The following PRIM2 variants were observed in gnomAD, a reference collection of about 807,000 sequenced individuals.
The protein encoded by PRIM2 is DNA primase large subunit.
A neutral mutation model predicts 67.3 loss-of-function variants in PRIM2; 39 were observed. The observed-to-expected ratio is 0.58, with a 90% CI of 0.45 to 0.76. PRIM2 has a LOEUF of 0.76. Ranked by LOEUF, PRIM2 falls within the 30% of genes least tolerant of loss-of-function variation. PRIM2 has a pLI of 0.00. For synonymous variants in PRIM2, 143 were observed against 198.7 expected, an observed-to-expected ratio of 0.72 and a Z score of 2.36; for missense variants, 398 against 598.7, an observed-to-expected ratio of 0.66 and a Z score of 3.50.
chr6:57,580,861 A>G (rs1391616836), intron 10 of PRIM2, among the ~76,000 whole-genome samples: 1 of 152,178 alleles, frequency 6.6e-6, no homozygotes, highest in South Asian at 2.1e-4. Context: ...ATCAAGTTAG[A>G]TTTTTAAAAT....
At chr6:57,517,720 A>G (rs1348737042) in intron 8 of PRIM2, among the ~76,000 whole-genome samples, 1 of 152,198 alleles carries the variant, frequency 6.6e-6, no homozygotes, top group Non-Finnish European at 1.5e-5. Flanking sequence ...TGGAGCTGTT[A>G]TAAGCAATTG....
At chr6:57,307,741 C>T in the PRIM2 span, among the ~76,000 whole-genome samples, 1 of 152,164 alleles carries the variant, frequency 6.6e-6, no homozygotes, top group Admixed American at 6.5e-5. Flanking sequence ...GAAGCAATGA[C>T]AGGTTGAGGG....
upstream of PRIM2, among the ~76,000 whole-genome samples, chr6:57,312,438 G>C (rs976259878): frequency 6.6e-6 from 1 of 152,060 alleles, no homozygotes; most frequent in Admixed American, 6.6e-5. Flanking sequence ...GGAGGTGGAG[G>C]CTGCAGTGGG....
intron 5 of PRIM2, among the ~76,000 whole-genome samples, chr6:57,357,486 A>G (rs1240373293): frequency 6.6e-6 from 1 of 150,898 alleles, no homozygotes; most frequent in Non-Finnish European, 1.5e-5. Context: ...GACTTTGGAT[A>G]CTCTTCCCTA....
At chr6:57,627,308 A>AAAAAG (rs1776966603) in intron 12 of PRIM2, among the ~76,000 whole-genome samples, 4 of 143,130 alleles carry the variant, frequency 2.8e-5, no homozygotes, top group Admixed American at 7.1e-5. Flanking sequence ...AAAAAAAAAA[A>AAAAAG]GTTTAAAAAT....
At chr6:57,530,085 CT>C (rs1468726799) in intron 8 of PRIM2, among the ~76,000 whole-genome samples, 4 of 152,292 alleles carry the variant, frequency 2.6e-5, no homozygotes, top group Admixed American at 1.3e-4. Flanking sequence ...TTAATCCCAC[CT>C]CTCAATACTG....
rs1773556348 is a variant in PRIM2, at chr6:57,479,305, G to T, written c.694-28082G>T. Among the ~76,000 whole-genome samples the T allele has an allele frequency of 2.0e-5, 3 of 152,144 alleles. No individual in the cohort carries two copies. The South Asian group carries it at 6.2e-4, about 31-fold the overall frequency. On this transcript the variant is annotated intron_variant, in intron 7 of 13. Coordinates refer to ENST00000615550, the MANE Select transcript of PRIM2 (RefSeq NM_000947.5). ...GACTTTCTTATATAGTAATCCATTTGAAATTGGTTGATTGGCCATAATTAC... is the reference window on the plus strand; with the variant it reads ...GACTTTCTTATATAGTAATCCATTTTAAATTGGTTGATTGGCCATAATTAC...
chr6:57,418,400 T>G lies in PRIM2; in HGVS notation c.693+36232T>G, dbSNP rs796493790. On this transcript the variant is annotated intron_variant, in intron 7 of 13. Coordinates refer to ENST00000615550, the MANE Select transcript of PRIM2 (RefSeq NM_000947.5). Reference sequence around the variant, plus strand: ...TGTGTGTGGTTTTTTTTTTTTTTTTTTTTTTTTTTTTTTTTTTAACAGATT... The same window carrying G: ...TGTGTGTGGTTTTTTTTTTTTTTTTGTTTTTTTTTTTTTTTTTAACAGATT... Among the ~76,000 whole-genome samples the G allele has an allele frequency of 7.8e-4, 99 of 126,690 alleles. 5 individuals are homozygous for G. The East Asian group carries it at 0.022, about 29-fold the overall frequency. The allele number at this position is 126,690 out of a possible 152,430, so 83.1% of individuals were successfully genotyped here. A position where few individuals can be genotyped will look rare whatever the true frequency, so the allele number is the denominator to read the frequency against.
intron 7 of PRIM2, among the ~76,000 whole-genome samples, chr6:57,403,840 T>C (rs1281088754): frequency 2.0e-5 from 3 of 151,874 alleles, no homozygotes; most frequent in African/African-American, 7.3e-5. Flanking sequence ...GGCTTATAGA[T>C]ATTGTCTTAG....
chr6:57,374,303 A>ATTTATTT (rs1554331462), intron 5 of PRIM2, among the ~76,000 whole-genome samples: 1 of 139,790 alleles, frequency 7.2e-6, no homozygotes, highest in African/African-American at 2.6e-5. Flanking sequence ...TTATTTATTT[A>ATTTATTT]TTTTTTTTGA....
the PRIM2 span, among the ~76,000 whole-genome samples, chr6:57,238,689 C>T: frequency 6.6e-6 from 1 of 152,114 alleles, no homozygotes; most frequent in Non-Finnish European, 1.5e-5. Context: ...CAAAAGCTAG[C>T]AGAAGGCAAG....
intron 7 of PRIM2, among the ~76,000 whole-genome samples, chr6:57,487,004 T>C: frequency 1.3e-5 from 2 of 152,332 alleles, no homozygotes; most frequent in Middle Eastern, 6.8e-3. Context: ...GGCAAAAGCA[T>C]TTAATGTTTA....
chr6:57,337,823 T>C (rs1198983201), intron 5 of PRIM2, among the ~76,000 whole-genome samples: 2 of 151,930 alleles, frequency 1.3e-5, no homozygotes, highest in African/African-American at 2.4e-5. Flanking sequence ...CAGACAAATT[T>C]AAAAGGTAGC....
chr6:57,564,647 G>A (rs1406942658), intron 10 of PRIM2, among the ~76,000 whole-genome samples: 6 of 152,200 alleles, frequency 3.9e-5, no homozygotes, highest in African/African-American at 1.4e-4. Context: ...AAACTTATGA[G>A]GCTACCAGCC....
chr6:57,344,075 T>C (rs1477719232), intron 5 of PRIM2, among the ~76,000 whole-genome samples: 1 of 151,878 alleles, frequency 6.6e-6, no homozygotes, highest in African/African-American at 2.4e-5. Flanking sequence ...AAGAAGAGGT[T>C]TCAGGAGCTT....
intron 7 of PRIM2, among the ~76,000 whole-genome samples, chr6:57,419,412 A>T (rs1299836651): frequency 6.6e-6 from 1 of 152,180 alleles, no homozygotes; most frequent in Non-Finnish European, 1.5e-5. Flanking sequence ...TGTTATTTCC[A>T]ATTTATAAAG....
At chr6:57,535,398 T>C (rs1774983478) in intron 9 of PRIM2, among the ~76,000 whole-genome samples, 1 of 152,224 alleles carries the variant, frequency 6.6e-6, no homozygotes. Context: ...GCTCAAGTTT[T>C]GCCCTTGTTG....
intron 7 of PRIM2, among the ~76,000 whole-genome samples, chr6:57,485,414 T>C: frequency 6.6e-6 from 1 of 152,310 alleles, no homozygotes; most frequent in South Asian, 2.1e-4. Context: ...TTCTATTCTT[T>C]GTCCATGTAA....
intron 10 of PRIM2, among the ~76,000 whole-genome samples, chr6:57,559,340 C>T (rs1162643325): frequency 1.3e-5 from 2 of 152,116 alleles, no homozygotes; most frequent in Non-Finnish European, 2.9e-5. Context: ...ACAAGCAGAA[C>T]TGTTGACTGC....
Sources: allele counts gnomAD v4.1 joint callset (sites outside exome capture counted in the v4.1 genomes callset), GRCh38; gene constraint gnomAD v4.1.1; transcripts MANE v1.5; gene names NCBI Gene and HGNC (gene_info 2026-07-23, HGNC 2026-07-21).